Variants in EMC2 observed in about 807,000 individuals in gnomAD.
EMC2 encodes the protein TPR repeat protein 35.
EMC2 carries 37 observed loss-of-function variants against 51.6 expected under a neutral mutation model. The ratio of observed to expected loss-of-function variants is 0.72; its 90% CI spans 0.55 to 0.94. The LOEUF (loss-of-function observed/expected upper bound fraction) is 0.94, where lower values mean the gene tolerates loss of function less well. Among genes scored for constraint, EMC2 ranks in the 40% least tolerant of loss-of-function variants. EMC2 has a pLI of 0.00. For missense variants in EMC2, 359 were observed against 350.9 expected (o/e 1.02, Z -0.18); for synonymous variants, 131 against 112.4 (o/e 1.17, Z -1.04).
intron 3 of EMC2, among the ~76,000 whole-genome samples, chr8:108,452,178 A>C (rs923405374): frequency 6.6e-6 from 1 of 152,174 alleles, no homozygotes; most frequent in African/African-American, 2.4e-5. Flanking sequence ...AGTCAAGTTG[A>C]TGAGTCAATT....
chr8:108,472,017 A>G (rs1308531537), intron 7 of EMC2, among the ~76,000 whole-genome samples: 3 of 151,898 alleles, frequency 2.0e-5, no homozygotes, highest in Admixed American at 6.6e-5. Flanking sequence ...AGCTCTTTTT[A>G]TAAAGGAGAG....
chr8:108,477,924 C>T (rs949695949), intron 9 of EMC2, among the ~76,000 whole-genome samples: 1 of 151,976 alleles, frequency 6.6e-6, no homozygotes, highest in African/African-American at 2.4e-5. Context: ...GAAACTGAGA[C>T]ACAGATTTAA....
chr8:108,459,721 A>AGAGAGAGTGTGTGTGTGT (rs763020311), intron 5 of EMC2, among the ~76,000 whole-genome samples: 53 of 136,958 alleles, frequency 3.9e-4, no homozygotes, highest in African/African-American at 1.6e-3. Context: ...AGAGAGAGAG[A>AGAGAGAGTGTGTGTGTGT]GTGTGTGTGT....
At chr8:108,476,022 A>G (rs1215505390) in intron 8 of EMC2, 59 bp downstream of exon 8, 2 of 888,392 alleles carry the variant, frequency 2.3e-6, no homozygotes, top group Non-Finnish European at 1.8e-6. Context: ...CGGTGTTATT[A>G]TGGAACTAAG....
intron 10 of EMC2, among the ~76,000 whole-genome samples, chr8:108,484,937 C>G (rs1334726973): frequency 6.6e-6 from 1 of 151,958 alleles, no homozygotes; most frequent in African/African-American, 2.4e-5. Context: ...ATTCGTGATG[C>G]CTTTTGAAAG....
chr8:108,450,080 G>C (rs910957137), intron 2 of EMC2, 144 bp downstream of exon 2: 12 of 523,826 alleles, frequency 2.3e-5, no homozygotes, highest in Non-Finnish European at 3.4e-5. Context: ...TTTAATGATA[G>C]TTTATTTTGA....
At chr8:108,483,945 G>T (rs3802246) in intron 10 of EMC2, among the ~76,000 whole-genome samples, 103,940 of 151,896 alleles carry the variant, frequency 0.68, 36,117 homozygotes, top group African/African-American at 0.81. Context: ...ATTTCGTATG[G>T]GATTTTTCTA....
intron 4 of EMC2, among the ~76,000 whole-genome samples, chr8:108,454,784 T>G (rs1168509994): frequency 6.6e-6 from 1 of 152,080 alleles, no homozygotes; most frequent in Non-Finnish European, 1.5e-5. Context: ...AGCAAATTGC[T>G]TTAATTTTTG....
At chr8:108,473,138 T>C (rs184761628) in intron 7 of EMC2, among the ~76,000 whole-genome samples, 299 of 152,198 alleles carry the variant, frequency 2.0e-3, no homozygotes, top group Non-Finnish European at 2.7e-3. Flanking sequence ...TTTAAGTTAC[T>C]TTTATAAGTT....
rs938825061 is a variant in EMC2, at chr8:108,487,400, C to G, written c.*802C>G. Among the ~76,000 whole-genome samples, 5 of 151,772 alleles carry G rather than the reference C, an allele frequency of 3.3e-5. No homozygotes were observed. The highest frequency in any genetic ancestry group is 2.4e-5 in the African/African-American group (1 of 41,374). On this transcript the variant is annotated 3_prime_UTR_variant, in exon 11 of 11. Coordinates refer to ENST00000220853, the MANE Select transcript of EMC2 (RefSeq NM_014673.5). Reference sequence around the variant, plus strand: ...TTTGAAAAAAATAAGAAAATTAAAACTATCCTTAGAAACAAAAATGTTAAA... The same window carrying G: ...TTTGAAAAAAATAAGAAAATTAAAAGTATCCTTAGAAACAAAAATGTTAAA...
intron 7 of EMC2, chr8:108,470,842 TC>T (rs1317412904): frequency 6.6e-6 from 1 of 152,082 alleles, no homozygotes; most frequent in African/African-American, 2.4e-5. Context: ...TTCTTTTCCT[TC>T]TTTTTGACAG....
intron 1 of EMC2, among the ~76,000 whole-genome samples, chr8:108,446,659 AATGAAG>A (rs1198406231): frequency 6.6e-6 from 1 of 152,216 alleles, no homozygotes; most frequent in South Asian, 2.1e-4. Flanking sequence ...ATTTTTAGGA[AATGAAG>A]ATGACTTGAT....
intron 7 of EMC2, chr8:108,473,961 T>A (rs1413000060): frequency 2.6e-5 from 4 of 152,040 alleles, no homozygotes; most frequent in Non-Finnish European, 5.9e-5. Context: ...CTGACAAGAC[T>A]GAGGAAATAG....
In EMC2 at chr8:108,475,932, A is replaced by C; in HGVS notation, c.560A>C (p.His187Pro). 1 of 1,601,010 alleles carries C rather than the reference A, an allele frequency of 6.2e-7. No individual in the cohort carries two copies. The highest frequency in any genetic ancestry group is 8.5e-7 in the Non-Finnish European group (1 of 1,172,874). Residue 187 changes from histidine to proline, a missense_variant, in exon 8 of 11, where the codon CAC (histidine) becomes CCC (proline). By Grantham distance (77) the His-to-Pro change is moderately conservative. Coordinates refer to ENST00000220853, the MANE Select transcript of EMC2 (RefSeq NM_014673.5). Reference protein sequence around the residue: ...CLEELMMTNPHNHLYCQQYAE... With the variant: ...CLEELMMTNPPNHLYCQQYAE... Reference sequence around the variant, plus strand: ...GAGGAACTAATGATGACTAATCCACACAACCACTTATACTGTCAGCAGTAT... The same window carrying C: ...GAGGAACTAATGATGACTAATCCACCCAACCACTTATACTGTCAGCAGTAT...
intron 10 of EMC2, 95 bp downstream of exon 10, chr8:108,479,205 C>T (rs1314071582): frequency 5.8e-6 from 3 of 518,740 alleles, no homozygotes; most frequent in African/African-American, 2.0e-5. Flanking sequence ...TAGCATTGGA[C>T]TTATATATGC....
In EMC2 at chr8:108,453,047, C is replaced by G; in HGVS notation, c.220-15C>G. On this transcript the variant is annotated splice_polypyrimidine_tract_variant and intron_variant, in intron 3 of 10. Coordinates refer to ENST00000220853, the MANE Select transcript of EMC2 (RefSeq NM_014673.5). ...TATAAATAATGTAATTACTACTCAA[C>G]CCTTATTTTTTCAGTTTTGTCTTCA... 1 of 1,523,906 alleles carries G rather than the reference C, an allele frequency of 6.6e-7. No homozygotes were observed. The highest frequency in any genetic ancestry group is 9.0e-7 in the Non-Finnish European group (1 of 1,109,738). The allele number at this position is 1,523,906 out of a possible 1,614,324, so 94.4% of individuals were successfully genotyped here. A position where few individuals can be genotyped will look rare whatever the true frequency, so the allele number is the denominator to read the frequency against.
chr8:108,461,187 G>T (rs2130366306), intron 5 of EMC2, among the ~76,000 whole-genome samples: 1 of 152,212 alleles, frequency 6.6e-6, no homozygotes. Flanking sequence ...CTGCATTGTT[G>T]AAAAGTGATC....
chr8:108,471,167 A>G (rs367941102), intron 7 of EMC2, among the ~76,000 whole-genome samples: 1 of 152,146 alleles, frequency 6.6e-6, no homozygotes, highest in South Asian at 2.1e-4. Flanking sequence ...CACATTCAGT[A>G]TAGATGATAT....
chr8:108,453,711 T>C (rs1056417385), intron 4 of EMC2, among the ~76,000 whole-genome samples: 1 of 152,156 alleles, frequency 6.6e-6, no homozygotes, highest in African/African-American at 2.4e-5. Flanking sequence ...TGCCGTCTTT[T>C]AAAATTTTAT....
Sources: allele counts gnomAD v4.1 joint callset (sites outside exome capture counted in the v4.1 genomes callset), GRCh38; gene constraint gnomAD v4.1.1; transcripts MANE v1.5; gene names NCBI Gene and HGNC (gene_info 2026-07-23, HGNC 2026-07-21).